TMEM51: variants seen among roughly 807,000 people sequenced by gnomAD.
TMEM51 encodes the protein chromosome 1 open reading frame 72.
A neutral mutation model predicts 13.6 loss-of-function variants in TMEM51; 8 were observed. That is an observed-to-expected ratio of 0.59 (90% confidence interval 0.35 to 1.07). The LOEUF (loss-of-function observed/expected upper bound fraction) is 1.07, where lower values mean the gene tolerates loss of function less well. Among genes scored for constraint, TMEM51 ranks in the 50% least tolerant of loss-of-function variants. The probability of loss-of-function intolerance (pLI) is 0.02; values close to 1 mark genes in which losing one functional copy is unlikely to be tolerated. For synonymous variants in TMEM51, 147 were observed against 144.4 expected (o/e 1.02, Z -0.13); for missense variants, 279 against 330.7 (o/e 0.84, Z 1.21).
chr1:15,200,173 G>T (rs960765363), intron 1 of TMEM51, among the ~76,000 whole-genome samples: 1 of 151,888 alleles, frequency 6.6e-6, no homozygotes. Context: ...CAATATCACT[G>T]GTGTCCTTGT....
intron 1 of TMEM51, among the ~76,000 whole-genome samples, chr1:15,169,676 A>G (rs1411528315): frequency 6.6e-6 from 1 of 152,160 alleles, no homozygotes; most frequent in East Asian, 1.9e-4. Flanking sequence ...ATAAAAGCCT[A>G]TGGTTTCTAC....
chr1:15,205,252 G>A (rs545248625), intron 1 of TMEM51, among the ~76,000 whole-genome samples: 1 of 152,260 alleles, frequency 6.6e-6, no homozygotes, highest in South Asian at 2.1e-4. Context: ...ACACTTACGT[G>A]GATTAGCAAG....
At chr1:15,169,284 G>A (rs146750472) in intron 1 of TMEM51, among the ~76,000 whole-genome samples, 44 of 152,304 alleles carry the variant, frequency 2.9e-4, no homozygotes, top group African/African-American at 1.1e-3. Context: ...TTCAGAACTG[G>A]GAAGTGGGAG....
At chr1:15,187,969 C>T (rs115225967) in intron 1 of TMEM51, among the ~76,000 whole-genome samples, 212 of 152,370 alleles carry the variant, frequency 1.4e-3, no homozygotes, top group African/African-American at 5.0e-3. Context: ...GTGGCATTAG[C>T]TGCTCGCGCT....
chr1:15,210,363 T>C (rs1275837289), intron 1 of TMEM51, 127 bp from the exon 2 acceptor site: 1 of 152,232 alleles, frequency 6.6e-6, no homozygotes, highest in Admixed American at 6.5e-5. Flanking sequence ...CTTGCATAGA[T>C]ACCTACCCTA....
At chr1:15,206,098 A>G (rs532543481) in intron 1 of TMEM51, among the ~76,000 whole-genome samples, 20 of 152,022 alleles carry the variant, frequency 1.3e-4, no homozygotes, top group African/African-American at 4.1e-4. Flanking sequence ...ATAGCTGGAC[A>G]TGGTGGTGTG....
At chr1:15,163,139 T>C (rs1642847811) in intron 1 of TMEM51, among the ~76,000 whole-genome samples, 1 of 152,018 alleles carries the variant, frequency 6.6e-6, no homozygotes. Context: ...CTTCCAGGCT[T>C]TGGGGGGAAA....
intron 1 of TMEM51, among the ~76,000 whole-genome samples, chr1:15,208,875 G>A (rs1249937725): frequency 6.6e-6 from 1 of 152,038 alleles, no homozygotes; most frequent in Non-Finnish European, 1.5e-5. Flanking sequence ...TATGCTAAAA[G>A]TAATAAAAAC....
chr1:15,191,220 T>C (rs534844849), intron 1 of TMEM51, among the ~76,000 whole-genome samples: 4 of 152,328 alleles, frequency 2.6e-5, no homozygotes, highest in African/African-American at 9.6e-5. Context: ...GCAGGTGGCC[T>C]CTAGAAGCTG....
At chr1:15,192,249 T>TAGCGTAAGTACACGGGGGG in intron 1 of TMEM51, 1 of 375,476 alleles carries the variant, frequency 2.7e-6, no homozygotes, top group Non-Finnish European at 5.3e-6. Context: ...GTCTTTCACT[T>TAGCGTAAGTACACGGGGGG]AGTTTTTAGC....
At chr1:15,187,435 A>T (rs1643815347) in intron 1 of TMEM51, among the ~76,000 whole-genome samples, 1 of 152,176 alleles carries the variant, frequency 6.6e-6, no homozygotes, top group Non-Finnish European at 1.5e-5. Flanking sequence ...CATCTTGGGC[A>T]TGCAGGAGGC....
chr1:15,168,727 C>T (rs879594240), intron 1 of TMEM51: 31 of 1,304,500 alleles, frequency 2.4e-5, no homozygotes, highest in South Asian at 3.7e-5. Flanking sequence ...TGACTGGGAA[C>T]GTCTCACAGA....
rs1035200352 is a variant in TMEM51 at position 15,165,743 on chromosome 1, T to C, written c.-267+11789T>C. 2.0e-5 allele frequency among the ~76,000 whole-genome samples: 3 copies of C among 152,180 alleles called. No homozygotes were observed. The East Asian group carries it at 5.8e-4, about 29-fold the overall frequency. ...AGCAACAGGGAATTGGTGACATAAA[T>C]TGCAGCTCTTTCATATACTGAAGTG... On this transcript the variant is annotated intron_variant, in intron 1 of 3. Transcript: ENST00000376008.
intron 1 of TMEM51, among the ~76,000 whole-genome samples, chr1:15,157,372 T>C (rs1250752081): frequency 1.3e-5 from 2 of 152,146 alleles, no homozygotes; most frequent in Admixed American, 1.3e-4. Flanking sequence ...TCTTAGAATA[T>C]CGGGGCCAGA....
rs143968713 is a variant in TMEM51, at chr1:15,170,814, C to T, written c.-267+16860C>T. 2.0e-4 allele frequency among the ~76,000 whole-genome samples: 31 copies of T among 151,868 alleles called. 1 individual carries two copies. The highest frequency in any genetic ancestry group is 7.2e-4 in the African/African-American group (30 of 41,424). ...TGCGATCTCAGCTCACTGCAAGCTC[C>T]GCCTCCCGGGTTCATGCCATTCTCC... On this transcript the variant is annotated intron_variant, in intron 1 of 3. Transcript: ENST00000376008.
chr1:15,175,267 G>T (rs1282361004), intron 1 of TMEM51, among the ~76,000 whole-genome samples: 1 of 152,156 alleles, frequency 6.6e-6, no homozygotes, highest in Non-Finnish European at 1.5e-5. Context: ...GGACGTTGTG[G>T]CGAGTGCCTG....
Position 15,207,853 on chromosome 1 carries a change from A to C in TMEM51, c.-266-2637A>C, listed in dbSNP as rs1270725487. ...CATATTTTCCTCATGTTGCCGGCAA[A>C]TTATTTGCATACGGATACAAGATTT... is the stretch of plus-strand genomic sequence containing the variant. On this transcript the variant is annotated intron_variant, in intron 1 of 3. Coordinates refer to ENST00000376008, the MANE Select transcript of TMEM51 (RefSeq NM_001136218.2). The surrounding 1 kb of genome is among the most constrained non-coding windows in gnomAD (Gnocchi z 4.6). 6.6e-6 allele frequency among the ~76,000 whole-genome samples: 1 copy of C among 152,200 alleles called. No homozygotes were observed. Among genetic ancestry groups the C allele is most frequent in the Non-Finnish European group, 1.5e-5 (1 of 68,038 alleles).
intron 1 of TMEM51, among the ~76,000 whole-genome samples, chr1:15,165,370 G>A (rs1642959291): frequency 1.3e-5 from 2 of 152,142 alleles, no homozygotes; most frequent in Non-Finnish European, 2.9e-5. Flanking sequence ...TCAGTATTCA[G>A]CCTCATTGTA....
intron 1 of TMEM51, among the ~76,000 whole-genome samples, chr1:15,167,275 C>T (rs186717099): frequency 5.2e-5 from 7 of 133,380 alleles, no homozygotes; most frequent in Admixed American, 3.8e-4. Context: ...TGCAGTGAGC[C>T]GAGATGACGC....
Sources: gnomAD v4.1 joint callset for allele counts (sites outside exome capture counted in the v4.1 genomes callset) on GRCh38, gnomAD v4.1.1 for gene constraint, Gnocchi (gnomAD v3.1) non-coding constraint, MANE v1.5 for transcripts, NCBI Gene and HGNC (gene_info 2026-07-23, HGNC 2026-07-21) for gene names.